FRMD5: variants seen among roughly 807,000 people sequenced by gnomAD.
The protein encoded by FRMD5 is FERM domain containing 5, also known as FERM domain-containing protein 5.
In FRMD5, 20 loss-of-function variants were observed where a neutral mutation model predicts 69.0. The observed-to-expected ratio is 0.29, with a 90% CI of 0.20 to 0.42. The LOEUF (loss-of-function observed/expected upper bound fraction) is 0.42, where lower values mean the gene tolerates loss of function less well. Among genes scored for constraint, FRMD5 ranks in the 10% least tolerant of loss-of-function variants. FRMD5 has a pLI of 1.00. For synonymous variants in FRMD5, 271 were observed against 260.1 expected (o/e 1.04, Z -0.40); for missense variants, 595 against 708.6 (o/e 0.84, Z 1.82).
At chr15:43,892,188 G>C in intron 7 of FRMD5, 119 bp from the exon 8 acceptor site, 1 of 837,380 alleles carries the variant, frequency 1.2e-6, no homozygotes, top group Non-Finnish European at 2.0e-6. Context: ...AGAGGGAAAA[G>C]CATATCATCT....
Position 43,964,496 on chromosome 15 carries a change from C to CA in FRMD5, c.103-40188dup, listed in dbSNP as rs200106950. Reference sequence around the variant, plus strand: ...ACCCTGTTTCAAACAAACAAACAAACAAACAAAAAAAAAAACAAAAGAAAA... The same window carrying CA: ...ACCCTGTTTCAAACAAACAAACAAACAAAACAAAAAAAAAAACAAAAGAAAA... On this transcript the variant is annotated intron_variant, in intron 1 of 13. Transcript: ENST00000417257. Among the ~76,000 whole-genome samples, 319 of 110,382 alleles carry CA rather than the reference C, an allele frequency of 2.9e-3. 2 individuals carry two copies. The highest frequency in any genetic ancestry group is 8.2e-3 in the South Asian group (27 of 3,294). The allele number at this position is 110,382 out of a possible 152,430, so 72.4% of individuals were successfully genotyped here.
intron 1 of FRMD5, 189 bp downstream of exon 1, chr15:44,194,764 G>A: frequency 1.5e-6 from 1 of 680,226 alleles, no homozygotes; most frequent in Non-Finnish European, 2.6e-6. Flanking sequence ...TGACACACCG[G>A]GTGCCAGGGC....
At chr15:44,089,909 G>A (rs558317087) in intron 1 of FRMD5, among the ~76,000 whole-genome samples, 183 of 152,110 alleles carry the variant, frequency 1.2e-3, no homozygotes, top group Non-Finnish European at 2.1e-3. Context: ...TAGGCCTAAG[G>A]GCCTAATGAA....
At chr15:44,119,610 A>G (rs2076918137) in intron 1 of FRMD5, among the ~76,000 whole-genome samples, 1 of 152,162 alleles carries the variant, frequency 6.6e-6, no homozygotes, top group Admixed American at 6.5e-5. Flanking sequence ...CTTTCATCAG[A>G]GCAGGTTCTG....
chr15:43,955,541 T>G (rs2090100980), intron 1 of FRMD5, among the ~76,000 whole-genome samples: 1 of 152,256 alleles, frequency 6.6e-6, no homozygotes, highest in South Asian at 2.1e-4. Flanking sequence ...TTTGTATGCA[T>G]GTATGGCATT....
chr15:44,093,596 G>A (rs955616216), intron 1 of FRMD5, among the ~76,000 whole-genome samples: 4 of 148,356 alleles, frequency 2.7e-5, no homozygotes, highest in South Asian at 4.2e-4. Flanking sequence ...TTTTTGAGAC[G>A]GAGTCTCGCT....
chr15:43,958,642 C>T (rs892669611), intron 1 of FRMD5, among the ~76,000 whole-genome samples: 2 of 152,060 alleles, frequency 1.3e-5, no homozygotes, highest in South Asian at 4.2e-4. Context: ...CCATGTTGTC[C>T]AAGTTGGTCT....
At chr15:44,115,966 G>A (rs1208361347) in intron 1 of FRMD5, among the ~76,000 whole-genome samples, 1 of 152,146 alleles carries the variant, frequency 6.6e-6, no homozygotes, top group African/African-American at 2.4e-5. Context: ...GCAGCTGACT[G>A]ATCAAAGCAA....
intron 1 of FRMD5, among the ~76,000 whole-genome samples, chr15:44,025,933 G>A (rs1891410445): frequency 6.6e-6 from 1 of 152,088 alleles, no homozygotes; most frequent in South Asian, 2.1e-4. Context: ...ACAGGCTCTG[G>A]CAATTATGGT....
chr15:44,154,095 A>G (rs985431796), intron 1 of FRMD5, among the ~76,000 whole-genome samples: 4 of 152,210 alleles, frequency 2.6e-5, no homozygotes, highest in Non-Finnish European at 4.4e-5. Flanking sequence ...GCCAAGGTCA[A>G]CAAACTGCTT....
chr15:44,196,553 A>T (rs1053179606), upstream of FRMD5, among the ~76,000 whole-genome samples: 1 of 152,176 alleles, frequency 6.6e-6, no homozygotes, highest in East Asian at 1.9e-4. Flanking sequence ...ATAATTTCCT[A>T]TTACTTTCAT....
intron 1 of FRMD5, among the ~76,000 whole-genome samples, chr15:44,031,345 T>G (rs1490544310): frequency 6.6e-6 from 1 of 152,206 alleles, no homozygotes; most frequent in Non-Finnish European, 1.5e-5. Context: ...TCTTAGTCCA[T>G]TTGGGCTTCT....
intron 1 of FRMD5, among the ~76,000 whole-genome samples, chr15:43,993,562 G>C (rs539331480): frequency 6.6e-6 from 1 of 152,310 alleles, no homozygotes; most frequent in African/African-American, 2.4e-5. Flanking sequence ...GTTGCTGCTG[G>C]ATGCAATGTT....
At chr15:44,028,653 G>T (rs1392032098) in intron 1 of FRMD5, among the ~76,000 whole-genome samples, 3 of 152,172 alleles carry the variant, frequency 2.0e-5, no homozygotes, top group African/African-American at 7.2e-5. Flanking sequence ...CAGAGGCTCA[G>T]GGGGGTGCAA....
At chr15:43,883,653 G>C (rs183580629) in intron 13 of FRMD5, 50 bp downstream of exon 13, 3 of 1,346,120 alleles carry the variant, frequency 2.2e-6, no homozygotes, top group Admixed American at 4.3e-5. Context: ...CAAGGTCCCA[G>C]ATCACAACTT....
intron 1 of FRMD5, among the ~76,000 whole-genome samples, chr15:44,150,929 T>C (rs2077434718): frequency 6.6e-6 from 1 of 152,060 alleles, no homozygotes; most frequent in Admixed American, 6.6e-5. Flanking sequence ...CCATCTCTAC[T>C]AATAATACAA....
chr15:43,989,832 C>G (rs2140131802), intron 1 of FRMD5: 1 of 1,031,578 alleles, frequency 9.7e-7, no homozygotes, highest in East Asian at 2.6e-5. Context: ...GGGTCATCTT[C>G]TTGTGGTTGG....
intron 1 of FRMD5, among the ~76,000 whole-genome samples, chr15:44,100,304 G>A (rs914594987): frequency 6.6e-6 from 1 of 151,180 alleles, no homozygotes; most frequent in Non-Finnish European, 1.5e-5. Flanking sequence ...TGATCCACCC[G>A]CCTTGGCCTC....
intron 1 of FRMD5, among the ~76,000 whole-genome samples, chr15:43,927,437 G>C (rs538635067): frequency 1.3e-5 from 2 of 152,178 alleles, no homozygotes; most frequent in South Asian, 2.1e-4. Context: ...ACTTCTGGGT[G>C]GTGGGCCACA....
Sources: allele counts gnomAD v4.1 joint callset (sites outside exome capture counted in the v4.1 genomes callset), GRCh38; gene constraint gnomAD v4.1.1; transcripts MANE v1.5; gene names NCBI Gene and HGNC (gene_info 2026-07-23, HGNC 2026-07-21).